The following SENP1 variants were observed in gnomAD, a reference collection of about 807,000 sequenced individuals.
SENP1 encodes SUMO specific peptidase 1.
SENP1 carries 21 observed loss-of-function variants against 93.0 expected under a neutral mutation model. The observed-to-expected ratio is 0.23, with a 90% confidence interval of 0.16 to 0.33. SENP1 has a LOEUF of 0.33. SENP1 is among the 10% of genes least tolerant of loss of function. The probability of loss-of-function intolerance (pLI) is 1.00; values close to 1 mark genes in which losing one functional copy is unlikely to be tolerated. For synonymous variants in SENP1, 256 were observed against 259.6 expected, an observed-to-expected ratio of 0.99 and a Z score of 0.13; for missense variants, 591 against 758.7, an observed-to-expected ratio of 0.78 and a Z score of 2.60.
At chr12:48,104,251 AGAG>A in intron 1 of SENP1, among the ~76,000 whole-genome samples, 2 of 3,604 alleles carry the variant, frequency 5.5e-4, no homozygotes, top group African/African-American at 2.2e-3. Context: ...AGAGAGAGAG[AGAG>A]ACGGGGGGGG....
In SENP1 at chr12:48,045,336, G is replaced by A; in HGVS notation, c.1921C>T (p.Arg641Ter). The A allele has an allele frequency of 1.2e-6, 2 of 1,613,510 alleles. No homozygotes were observed. Among genetic ancestry groups the A allele is most frequent in the Non-Finnish European group, 1.7e-6 (2 of 1,179,632 alleles). The change falls in exon 18 of 18, where the codon CGA (arginine) becomes TGA (stop). Residue 641 changes from arginine to a stop codon, truncating the protein, a stop_gained. Transcript: ENST00000549518. LOFTEE classifies it high-confidence loss of function. ...RKRMVWEILH[R>*]KLL ...TGAGACAGTCTTCACAAGAGTTTTC[G>A]GTGGAGGATCTCCCAGACCATCCGC... is the stretch of plus-strand genomic sequence containing the variant.
chr12:48,058,793 G>A (rs1022651504), intron 13 of SENP1, among the ~76,000 whole-genome samples: 2 of 152,056 alleles, frequency 1.3e-5, no homozygotes, highest in African/African-American at 4.8e-5. Flanking sequence ...TTCTTCTTCC[G>A]CCTGAAGAAC....
At chr12:48,102,607 A>T (rs1004018852) in intron 1 of SENP1, among the ~76,000 whole-genome samples, 4 of 151,920 alleles carry the variant, frequency 2.6e-5, no homozygotes, top group African/African-American at 7.2e-5. Context: ...CCATATTTTT[A>T]AAAAATATTA....
chr12:48,102,431 CAAAAAAAAA>C (rs57161608), intron 1 of SENP1, among the ~76,000 whole-genome samples: 2 of 47,458 alleles, frequency 4.2e-5, no homozygotes, highest in African/African-American at 1.6e-4. Flanking sequence ...GACTCTGTCT[CAAAAAAAAA>C]AAAAAAAAAA....
At chr12:48,087,141 T>G (rs942261852) in intron 5 of SENP1, among the ~76,000 whole-genome samples, 1 of 152,124 alleles carries the variant, frequency 6.6e-6, no homozygotes, top group Non-Finnish European at 1.5e-5. Context: ...AAAACTAAAC[T>G]AACTATAAAA....
rs111550162 is a variant in SENP1, at chr12:48,088,216, C to A, written c.380+585G>T. ...TACAGGCACACACCACCATGCCTGG[C>A]TAATTTTTTTGTATTTTTAGTGGAG... On this transcript the variant is annotated intron_variant, in intron 5 of 17. Coordinates refer to ENST00000549518, the MANE Select transcript of SENP1 (RefSeq NM_001267594.2). 7.1e-3 allele frequency among the ~76,000 whole-genome samples: 1,082 copies of A among 152,198 alleles called. 18 individuals are homozygous for A. The highest frequency in any genetic ancestry group is 0.025 in the African/African-American group (1,029 of 41,518).
intron 6 of SENP1, among the ~76,000 whole-genome samples, 162 bp downstream of exon 6, chr12:48,083,429 T>C (rs1006773830): frequency 6.6e-6 from 1 of 152,168 alleles, no homozygotes; most frequent in Non-Finnish European, 1.5e-5. Context: ...TTAATCTCTT[T>C]AGAATAGATG....
intron 1 of SENP1, chr12:48,105,232 C>G (rs1187725650): frequency 7.9e-6 from 3 of 378,960 alleles, no homozygotes; most frequent in African/African-American, 6.3e-5. Flanking sequence ...ATGACTTTAA[C>G]AAGGCTGACT....
chr12:48,099,812 T>C (rs1186807028), intron 2 of SENP1, among the ~76,000 whole-genome samples: 2 of 152,092 alleles, frequency 1.3e-5, no homozygotes, highest in East Asian at 3.8e-4. Context: ...CTGTCTCTAA[T>C]AATAATAATA....
At chr12:48,052,151 A>G (rs1941864954) in intron 13 of SENP1, among the ~76,000 whole-genome samples, 1 of 152,192 alleles carries the variant, frequency 6.6e-6, no homozygotes, top group South Asian at 2.1e-4. Flanking sequence ...TCTTTCAGAG[A>G]AAAGCCTACA....
At chr12:48,065,774 C>A in intron 10 of SENP1, 94 bp from the exon 11 acceptor site, 2 of 742,916 alleles carry the variant, frequency 2.7e-6, no homozygotes, top group South Asian at 1.8e-5. Flanking sequence ...AGGACCCTCA[C>A]AAAGAAAGTC....
At chr12:48,076,416 C>G (rs1944085992) in intron 6 of SENP1, among the ~76,000 whole-genome samples, 3 of 151,990 alleles carry the variant, frequency 2.0e-5, no homozygotes, top group Admixed American at 2.0e-4. Context: ...CCTCCACCTC[C>G]TAGGTTCAAG....
intron 6 of SENP1, among the ~76,000 whole-genome samples, chr12:48,076,217 T>C (rs565357853): frequency 6.6e-6 from 1 of 152,258 alleles, no homozygotes; most frequent in Non-Finnish European, 1.5e-5. Flanking sequence ...TTAAACATTA[T>C]GTCAGTGTTA....
intron 6 of SENP1, among the ~76,000 whole-genome samples, 162 bp from the exon 7 acceptor site, chr12:48,074,955 C>A (rs1179281268): frequency 1.3e-5 from 2 of 152,044 alleles, no homozygotes; most frequent in Non-Finnish European, 2.9e-5. Flanking sequence ...GCCTGTAATT[C>A]CAGCACTTTG....
intron 13 of SENP1, among the ~76,000 whole-genome samples, chr12:48,059,046 T>A (rs1384874375): frequency 6.6e-6 from 1 of 152,220 alleles, no homozygotes. Flanking sequence ...CACTTAATAT[T>A]TTTATCACCA....
At chr12:48,085,441 C>G (rs922814062) in intron 5 of SENP1, 1 of 840,340 alleles carries the variant, frequency 1.2e-6, no homozygotes, top group African/African-American at 1.7e-5. Flanking sequence ...GTGAGGACTC[C>G]TCACAGCCCT....
chr12:48,046,467 CA>C lies in SENP1; in HGVS notation c.1777-17del, dbSNP rs771710429. 295 of 1,536,380 alleles carry C rather than the reference CA, an allele frequency of 1.9e-4. No homozygotes were observed. The highest frequency in any genetic ancestry group is 2.4e-4 in the Non-Finnish European group (265 of 1,113,314). On this transcript the variant is annotated splice_polypyrimidine_tract_variant and intron_variant, in intron 16 of 17. Transcript: ENST00000549518. ...GAGGAATCTCCTGGAAGACCAACAA[CA>C]AAAAAAATGACATCTTTCCAAGCTT...
intron 4 of SENP1, among the ~76,000 whole-genome samples, chr12:48,092,046 A>G (rs1592456001): frequency 6.6e-6 from 1 of 152,194 alleles, no homozygotes; most frequent in South Asian, 2.1e-4. Context: ...TAAATACTCT[A>G]ATCTTAAGTG....
intron 10 of SENP1, 54 bp from the exon 11 acceptor site, chr12:48,065,734 T>C (rs1419176619): frequency 8.8e-7 from 1 of 1,140,266 alleles, no homozygotes; most frequent in African/African-American, 1.5e-5. Context: ...TTATGAAACA[T>C]ATTGTTGATG....
Sources: gnomAD v4.1 joint callset for allele counts (sites outside exome capture counted in the v4.1 genomes callset) on GRCh38, gnomAD v4.1.1 for gene constraint, MANE v1.5 for transcripts, NCBI Gene and HGNC (gene_info 2026-07-23, HGNC 2026-07-21) for gene names.